Variants in CDH11 observed in about 807,000 individuals in gnomAD.
CDH11 encodes cadherin-11.
A neutral mutation model predicts 67.8 loss-of-function variants in CDH11; 11 were observed. The observed-to-expected ratio is 0.16, with a 90% CI of 0.10 to 0.27. The LOEUF is 0.27. CDH11 is among the 10% of genes least tolerant of loss of function. The pLI is 1.00. For synonymous variants in CDH11, 419 were observed against 400.0 expected, an observed-to-expected ratio of 1.05 and a Z score of -0.57; for missense variants, 847 against 1,031.2, an observed-to-expected ratio of 0.82 and a Z score of 2.45.
intron 11 of CDH11, among the ~76,000 whole-genome samples, chr16:64,957,633 C>CA (rs58647901): frequency 2.9e-5 from 4 of 140,014 alleles, no homozygotes; most frequent in Admixed American, 7.1e-5. Context: ...CACACACACA[C>CA]CCATCCATAT....
intron 2 of CDH11, among the ~76,000 whole-genome samples, chr16:65,038,342 A>G (rs1396844610): frequency 6.6e-6 from 1 of 152,084 alleles, no homozygotes; most frequent in Non-Finnish European, 1.5e-5. Context: ...AATAAATCAA[A>G]TGCAGCAGTA....
At chr16:65,010,948 G>GT (rs1328021001) in intron 2 of CDH11, among the ~76,000 whole-genome samples, 2 of 102,744 alleles carry the variant, frequency 1.9e-5, no homozygotes, top group African/African-American at 6.8e-5. Context: ...ATATATATGT[G>GT]TGACATATAT....
At position 64,945,301 on chromosome 16, in the gene CDH11, T is replaced by TAAAAAAAAAAAAAAAAAAAAAAG. The variant is rs3046001; in HGVS notation, c.*2301_*2302insCTTTTTTTTTTTTTTTTTTTTTT. The stretch of plus-strand genomic sequence containing the variant: ...AGAGGCTTAACGAAAAAATAAAAGG[T>TAAAAAAAAAAAAAAAAAAAAAAG]AAAAAAAAAAAAAAAAAAGAAAAAG... On this transcript the variant is annotated 3_prime_UTR_variant, in exon 13 of 13. Coordinates refer to ENST00000268603, the MANE Select transcript of CDH11 (RefSeq NM_001797.4). 2 of 371,892 alleles carry TAAAAAAAAAAAAAAAAAAAAAAG rather than the reference T, an allele frequency of 5.4e-6. No individual in the cohort carries two copies. Among genetic ancestry groups the TAAAAAAAAAAAAAAAAAAAAAAG allele is most frequent in the African/African-American group, 2.5e-5 (1 of 39,594 alleles). 23.0% of individuals were successfully genotyped at this position (371,892 alleles called of 1,614,324 possible).
chr16:65,039,194 T>G (rs961628358), intron 2 of CDH11, among the ~76,000 whole-genome samples: 3 of 152,226 alleles, frequency 2.0e-5, no homozygotes, highest in Admixed American at 6.5e-5. Flanking sequence ...TTAATGTTAG[T>G]CTGCCTCATC....
At chr16:64,989,957 T>C (rs967822255) in intron 6 of CDH11, among the ~76,000 whole-genome samples, 4 of 152,212 alleles carry the variant, frequency 2.6e-5, no homozygotes, top group African/African-American at 7.2e-5. Flanking sequence ...AACTTTCTTT[T>C]GGATTCATAA....
At position 64,998,710 on chromosome 16, in the gene CDH11, C is replaced by T. The variant is rs771186221; in HGVS notation, c.375G>A (p.Thr125=). ...CCCTGTCCACCGCCTGAGCCATCAACGTGTACTGGGCTCTCTCTTCTCGAT... is the reference window on the plus strand; with the variant it reads ...CCCTGTCCACCGCCTGAGCCATCAATGTGTACTGGGCTCTCTCTTCTCGAT... ...TLDREERAQY[T]LMAQAVDRDT... Residue 125 remains threonine, a synonymous_variant, in exon 4 of 13, where the codon ACG becomes ACA. Coordinates refer to ENST00000268603, the MANE Select transcript of CDH11 (RefSeq NM_001797.4). 29 of 1,614,048 alleles carry T rather than the reference C, an allele frequency of 1.8e-5. No individual in the cohort carries two copies. Among genetic ancestry groups the T allele is most frequent in the African/African-American group, 1.7e-4 (13 of 74,918 alleles).
chr16:65,087,661 C>T (rs757602411), intron 1 of CDH11, among the ~76,000 whole-genome samples: 5 of 152,010 alleles, frequency 3.3e-5, no homozygotes, highest in African/African-American at 7.2e-5. Flanking sequence ...CGGGGCTGAT[C>T]GAGAATTGCT....
chr16:65,033,113 A>G (rs2073677927), intron 2 of CDH11, among the ~76,000 whole-genome samples: 1 of 152,184 alleles, frequency 6.6e-6, no homozygotes, highest in African/African-American at 2.4e-5. Context: ...CGTGAAGCTT[A>G]ATTAAACAGA....
chr16:64,943,876 G>A lies in CDH11; in HGVS notation c.*3727C>T, dbSNP rs932268629. 4.8e-5 allele frequency: 11 copies of A among 228,638 alleles called. No individual in the cohort carries two copies. The highest frequency in any genetic ancestry group is 8.7e-5 in the Non-Finnish European group (10 of 115,260). The allele number at this position is 228,638 out of a possible 1,614,324, so 14.2% of individuals were successfully genotyped here. ...CTGCCCTCATGGAGCTTACATTCTA[G>A]TGGGGCAGTCAGTCCCACCCACCCA... is the stretch of plus-strand genomic sequence containing the variant. On this transcript the variant is annotated 3_prime_UTR_variant, in exon 13 of 13. Transcript: ENST00000268603.
intron 1 of CDH11, among the ~76,000 whole-genome samples, chr16:65,107,275 A>G (rs2075080803): frequency 6.6e-6 from 1 of 152,336 alleles, no homozygotes; most frequent in Non-Finnish European, 1.5e-5. Context: ...TGATTTGCAT[A>G]TTTTATAAAT....
intron 1 of CDH11, among the ~76,000 whole-genome samples, chr16:65,060,982 C>G (rs1464447122): frequency 6.6e-6 from 1 of 152,214 alleles, no homozygotes; most frequent in Non-Finnish European, 1.5e-5. Context: ...GGCTGTGCAC[C>G]TCTGTGCTTC....
intron 2 of CDH11, among the ~76,000 whole-genome samples, chr16:65,021,998 T>C (rs2073437949): frequency 6.6e-6 from 1 of 151,964 alleles, no homozygotes; most frequent in South Asian, 2.1e-4. Context: ...ACTCATTCTC[T>C]AAGACAAAAA....
At chr16:65,113,937 G>A (rs762225727) in intron 1 of CDH11, among the ~76,000 whole-genome samples, 3 of 152,104 alleles carry the variant, frequency 2.0e-5, no homozygotes, top group Non-Finnish European at 4.4e-5. Context: ...AACTAACAAA[G>A]TGTTCAATAA....
At chr16:65,120,858 G>A (rs2075314210) in intron 1 of CDH11, among the ~76,000 whole-genome samples, 2 of 152,282 alleles carry the variant, frequency 1.3e-5, no homozygotes, top group African/African-American at 4.8e-5. Flanking sequence ...CTTTCTCTGG[G>A]GACTCCGCTT....
chr16:65,090,883 C>T (rs1330421842), intron 1 of CDH11, among the ~76,000 whole-genome samples: 4 of 152,196 alleles, frequency 2.6e-5, no homozygotes, highest in South Asian at 2.1e-4. Context: ...CCAAACACTC[C>T]AGGTTTGGAG....
intron 2 of CDH11, 62 bp from the exon 3 acceptor site, chr16:65,005,103 T>C (rs2073019514): frequency 7.6e-7 from 1 of 1,317,572 alleles, no homozygotes; most frequent in Non-Finnish European, 9.7e-7. Flanking sequence ...TCCATTCCTT[T>C]CAGTAAGCCT....
At chr16:65,061,443 C>T (rs951198898) in intron 1 of CDH11, among the ~76,000 whole-genome samples, 7 of 152,084 alleles carry the variant, frequency 4.6e-5, no homozygotes, top group African/African-American at 1.7e-4. Flanking sequence ...TCATTTGGCA[C>T]AAATTATTCA....
chr16:65,069,947 AT>A (rs2074387320), intron 1 of CDH11, among the ~76,000 whole-genome samples: 1 of 152,090 alleles, frequency 6.6e-6, no homozygotes, highest in Non-Finnish European at 1.5e-5. Context: ...ATTGTATCTA[AT>A]TTTGGCTGCT....
At chr16:65,069,230 C>T (rs1478355673) in intron 1 of CDH11, among the ~76,000 whole-genome samples, 2 of 152,146 alleles carry the variant, frequency 1.3e-5, no homozygotes, top group East Asian at 3.9e-4. Flanking sequence ...TATAAAGAAA[C>T]ATGGGAAAAT....
Sources: gnomAD v4.1 joint callset for allele counts (sites outside exome capture counted in the v4.1 genomes callset) on GRCh38, gnomAD v4.1.1 for gene constraint, MANE v1.5 for transcripts, NCBI Gene and HGNC (gene_info 2026-07-23, HGNC 2026-07-21) for gene names.